Variants in WIF1 observed in about 807,000 individuals in gnomAD.
WIF1 encodes Wnt inhibitory factor 1.
Under a neutral mutation model 53.5 loss-of-function variants are expected in WIF1, and 35 were observed. That is an observed-to-expected ratio of 0.65 (90% CI 0.50 to 0.87). The LOEUF (loss-of-function observed/expected upper bound fraction) is 0.87. Ranked by LOEUF, WIF1 falls within the 40% of genes least tolerant of loss-of-function variation. The pLI, the probability that WIF1 is intolerant of heterozygous loss-of-function variation, is 0.00. For synonymous variants in WIF1, 171 were observed against 170.4 expected, an observed-to-expected ratio of 1.00 and a Z score of -0.03; for missense variants, 467 against 476.8, an observed-to-expected ratio of 0.98 and a Z score of 0.19.
chr12:65,116,570 T>C (rs1469874522), intron 2 of WIF1, among the ~76,000 whole-genome samples: 1 of 151,920 alleles, frequency 6.6e-6, no homozygotes, highest in Non-Finnish European at 1.5e-5. Context: ...GTAATAATAA[T>C]AGAAATAAAG....
At chr12:65,120,281 C>A in intron 2 of WIF1, 136 bp downstream of exon 2, 1 of 909,480 alleles carries the variant, frequency 1.1e-6, no homozygotes, top group South Asian at 2.9e-5. Flanking sequence ...GAAATTAATT[C>A]TTTATTTGCT....
At chr12:65,068,069 C>T (rs965133576) in intron 4 of WIF1, among the ~76,000 whole-genome samples, 1 of 152,134 alleles carries the variant, frequency 6.6e-6, no homozygotes, top group African/African-American at 2.4e-5. Flanking sequence ...TATGGATCTA[C>T]TGTACCTTGT....
intron 2 of WIF1, among the ~76,000 whole-genome samples, chr12:65,106,142 G>A (rs1425397619): frequency 6.6e-6 from 1 of 152,114 alleles, no homozygotes; most frequent in Non-Finnish European, 1.5e-5. Flanking sequence ...GCTGGTCTTT[G>A]CAAGGGAAAA....
chr12:65,053,853 T>C (rs1046437593), intron 9 of WIF1, among the ~76,000 whole-genome samples: 1 of 151,114 alleles, frequency 6.6e-6, no homozygotes, highest in East Asian at 1.9e-4. Flanking sequence ...TATATTTATA[T>C]ATAAATATAA....
intron 2 of WIF1, among the ~76,000 whole-genome samples, chr12:65,096,927 C>A (rs1366451877): frequency 6.6e-6 from 1 of 151,588 alleles, no homozygotes; most frequent in Non-Finnish European, 1.5e-5. Context: ...GGCTTAAAAC[C>A]TAGATGACGG....
intron 2 of WIF1, among the ~76,000 whole-genome samples, chr12:65,116,539 T>C (rs971829138): frequency 2.6e-5 from 4 of 152,076 alleles, no homozygotes; most frequent in Non-Finnish European, 5.9e-5. Context: ...GTTGTATAAT[T>C]ATTTCATTAC....
At chr12:65,064,295 T>C (rs923578203) in intron 6 of WIF1, among the ~76,000 whole-genome samples, 1 of 152,218 alleles carries the variant, frequency 6.6e-6, no homozygotes, top group African/African-American at 2.4e-5. Flanking sequence ...TATGCTATTG[T>C]ATTGTCATGA....
intron 2 of WIF1, among the ~76,000 whole-genome samples, chr12:65,104,274 A>T (rs1189359849): frequency 6.6e-6 from 1 of 152,218 alleles, no homozygotes; most frequent in Admixed American, 6.5e-5. Flanking sequence ...TATTTACCAA[A>T]GCCACTCTAT....
intron 2 of WIF1, among the ~76,000 whole-genome samples, chr12:65,099,901 C>T (rs1466959720): frequency 6.6e-6 from 1 of 152,114 alleles, no homozygotes; most frequent in African/African-American, 2.4e-5. Flanking sequence ...TCCCACTCTA[C>T]TTTGTCCTTA....
At chr12:65,055,234 AAG>A (rs1882505584) in intron 8 of WIF1, 21 bp from the exon 9 acceptor site, 2 of 1,608,980 alleles carry the variant, frequency 1.2e-6, no homozygotes, top group Admixed American at 1.7e-5. Context: ...AAGAAATAAA[AAG>A]AGTATTTCCT....
At chr12:65,094,089 G>A (rs1302346405) in intron 2 of WIF1, among the ~76,000 whole-genome samples, 2 of 152,080 alleles carry the variant, frequency 1.3e-5, no homozygotes, top group Non-Finnish European at 2.9e-5. Flanking sequence ...AAACATAGCC[G>A]CTGAACTTTC....
At chr12:65,079,164 C>CAAAAAAAAAAAA (rs1226121849) in intron 2 of WIF1, among the ~76,000 whole-genome samples, 1 of 80,108 alleles carries the variant, frequency 1.2e-5, no homozygotes, top group Non-Finnish European at 2.2e-5. Context: ...GACTCCATCT[C>CAAAAAAAAAAAA]AAAAAAAAAA....
chr12:65,075,602 C>T (rs1039849643), intron 3 of WIF1, among the ~76,000 whole-genome samples: 1 of 151,988 alleles, frequency 6.6e-6, no homozygotes, highest in Non-Finnish European at 1.5e-5. Context: ...AAGTTAATGA[C>T]TCAAAAATAA....
intron 2 of WIF1, among the ~76,000 whole-genome samples, chr12:65,117,012 TTA>T (rs1010531808): frequency 4.6e-5 from 7 of 151,758 alleles, no homozygotes; most frequent in Non-Finnish European, 1.0e-4. Flanking sequence ...GGGACCACTT[TTA>T]TAAACTACTT....
Position 65,089,516 on chromosome 12 carries a change from G to A in WIF1, c.289-11662C>T, listed in dbSNP as rs190341098. 8.5e-5 allele frequency among the ~76,000 whole-genome samples: 13 copies of A among 152,182 alleles called. No homozygotes were observed. In the East Asian group the frequency reaches 2.3e-3, roughly 27 times the overall value. On this transcript the variant is annotated intron_variant, in intron 2 of 9. Coordinates refer to ENST00000286574, the MANE Select transcript of WIF1 (RefSeq NM_007191.5). ...ACTGCTCCTACTTAACACCCTTAAT[G>A]GTTTCTTATTACAATGAAGACTTTG... is the stretch of plus-strand genomic sequence containing the variant.
At chr12:65,104,932 T>C (rs1199684139) in intron 2 of WIF1, among the ~76,000 whole-genome samples, 1 of 152,174 alleles carries the variant, frequency 6.6e-6, no homozygotes, top group Non-Finnish European at 1.5e-5. Context: ...AATGCAAAGC[T>C]GAATATATGA....
chr12:65,112,404 TCACACACACACACACACA>T (rs758383148), intron 2 of WIF1, among the ~76,000 whole-genome samples: 4 of 123,444 alleles, frequency 3.2e-5, no homozygotes, highest in East Asian at 2.5e-4. Context: ...CCTGCTCTAA[TCACACACACACACACACA>T]CACACACACA....
At chr12:65,085,936 A>G (rs555887958) in intron 2 of WIF1, among the ~76,000 whole-genome samples, 1 of 152,300 alleles carries the variant, frequency 6.6e-6, no homozygotes, top group East Asian at 1.9e-4. Flanking sequence ...CAAACCAGAA[A>G]CAGACCTGGC....
Position 65,051,324 on chromosome 12 carries a change from C to T in WIF1, c.*25G>A. ...AACAAAGGCTATGAACTTGGTGTAA[C>T]TTAAAACGTTTCAGATGTCGGAGTT... On this transcript the variant is annotated 3_prime_UTR_variant, in exon 10 of 10. Coordinates refer to ENST00000286574, the MANE Select transcript of WIF1 (RefSeq NM_007191.5). 1 of 1,607,594 alleles carries T rather than the reference C, an allele frequency of 6.2e-7. No individual in the cohort carries two copies. The highest frequency in any genetic ancestry group is 2.2e-5 in the East Asian group (1 of 44,750).
Sources: gnomAD v4.1 joint callset for allele counts (sites outside exome capture counted in the v4.1 genomes callset) on GRCh38, gnomAD v4.1.1 for gene constraint, MANE v1.5 for transcripts, NCBI Gene and HGNC (gene_info 2026-07-23, HGNC 2026-07-21) for gene names.